PLAGL1: variants seen among roughly 807,000 people sequenced by gnomAD.
PLAGL1 encodes PLAG1 like zinc finger 1.
PLAGL1 carries 1 observed loss-of-function variant against 4.6 expected under a neutral mutation model. The observed-to-expected ratio is 0.22, with a 90% CI of 0.08 to 1.03. PLAGL1 has a LOEUF of 1.03. Ranked by LOEUF, PLAGL1 falls within the 50% of genes least tolerant of loss-of-function variation. The pLI is 0.58. For missense variants in PLAGL1, 464 were observed against 570.4 expected, an observed-to-expected ratio of 0.81 and a Z score of 1.90; for synonymous variants, 240 against 237.8, an observed-to-expected ratio of 1.01 and a Z score of -0.08.
chr6:143,977,633 G>C (rs562118077), intron 2 of PLAGL1, among the ~76,000 whole-genome samples: 16 of 151,512 alleles, frequency 1.1e-4, no homozygotes, highest in African/African-American at 3.6e-4. Flanking sequence ...CTGTATACCT[G>C]AGATTACAGG....
At chr6:144,011,469 C>A (rs139997525), upstream of PLAGL1, among the ~76,000 whole-genome samples, 31 of 152,232 alleles carry the variant, frequency 2.0e-4, no homozygotes, top group East Asian at 6.0e-3. The surrounding 1 kb of genome is among the most constrained non-coding windows in gnomAD (Gnocchi z 4.3). Context: ...CTGAAGAATT[C>A]TTTAACATTA....
At chr6:144,020,889 T>C (rs1795933728) in intron 1 of PLAGL1, among the ~76,000 whole-genome samples, 1 of 146,840 alleles carries the variant, frequency 6.8e-6, no homozygotes, top group South Asian at 2.1e-4. Context: ...ATAATTTATA[T>C]AATTTATAAT....
At chr6:144,030,346 A>T (rs892203016) in intron 1 of PLAGL1, among the ~76,000 whole-genome samples, 2 of 150,596 alleles carry the variant, frequency 1.3e-5, no homozygotes, top group African/African-American at 2.4e-5. Context: ...ACAGCTTTTT[A>T]AAATTTTTTT....
chr6:143,989,717 C>T lies in PLAGL1; in HGVS notation c.-583-4543G>A, dbSNP rs560387436. ...CTCTTTCTCTCTCCATATATGTATC[C>T]ATGGGTAAACATACATACACTCTAA... On this transcript the variant is annotated intron_variant, in intron 1 of 7. Coordinates refer to ENST00000674357, the MANE Select transcript of PLAGL1 (RefSeq NM_001317162.2). The surrounding 1 kb of genome is among the most constrained non-coding windows in gnomAD (Gnocchi z 4.8). Among the ~76,000 whole-genome samples the T allele has an allele frequency of 9.4e-4, 143 of 152,222 alleles. No individual in the cohort carries two copies. The highest frequency in any genetic ancestry group is 1.8e-3 in the Non-Finnish European group (120 of 68,014).
rs552351803 is a variant in PLAGL1 at position 143,987,202 on chromosome 6, TTTTA to T, written c.-583-2032_-583-2029del. Among the ~76,000 whole-genome samples, 23 of 152,078 alleles carry T rather than the reference TTTTA, an allele frequency of 1.5e-4. No individual in the cohort carries two copies. In the South Asian group the frequency reaches 2.3e-3, roughly 15 times the overall value. ...ATAATCTCCCCCAGTTACTCAAGGC[TTTTA>T]TTTATTTATTTATTTATTTAGAGAC... is the stretch of plus-strand genomic sequence containing the variant. On this transcript the variant is annotated intron_variant, in intron 1 of 7. Coordinates refer to ENST00000674357, the MANE Select transcript of PLAGL1 (RefSeq NM_001317162.2).
Position 143,959,032 on chromosome 6 carries a change from CAT to C in PLAGL1, c.-325+1435_-325+1436del, listed in dbSNP as rs1438926516. 2.0e-5 allele frequency among the ~76,000 whole-genome samples: 3 copies of C among 152,250 alleles called. No homozygotes were observed. Among genetic ancestry groups the C allele is most frequent in the African/African-American group, 7.2e-5 (3 of 41,478 alleles). ...TCTGAGTAGCTGTCCTTGCAATCCA[CAT>C]GTGTGGTCCATCCCCCAGCTCATCC... On this transcript the variant is annotated intron_variant, in intron 6 of 7. Coordinates refer to ENST00000674357, the MANE Select transcript of PLAGL1 (RefSeq NM_001317162.2). This position sits in a 1 kb window ranked among gnomAD's most constrained non-coding sequence, Gnocchi z 5.3.
At position 143,970,777 on chromosome 6, in the gene PLAGL1, G is replaced by A. The variant is rs1785270685; in HGVS notation, c.-543-1799C>T. Among the ~76,000 whole-genome samples, 1 of 152,134 alleles carries A rather than the reference G, an allele frequency of 6.6e-6. No homozygotes were observed. On this transcript the variant is annotated intron_variant, in intron 2 of 7. Transcript: ENST00000674357. This position sits in a 1 kb window ranked among gnomAD's most constrained non-coding sequence, Gnocchi z 5.8. ...ATTCTTCTTCTTGGATATTACAGCA[G>A]TCTTCAGTCTGAAGAAAAAGGCTCT... is the stretch of plus-strand genomic sequence containing the variant.
Position 143,972,196 on chromosome 6 carries a change from AT to A in PLAGL1, c.-543-3219del, listed in dbSNP as rs1290850799. On this transcript the variant is annotated intron_variant, in intron 2 of 7. Coordinates refer to ENST00000674357, the MANE Select transcript of PLAGL1 (RefSeq NM_001317162.2). The surrounding 1 kb of genome is among the most constrained non-coding windows in gnomAD (Gnocchi z 6.8). ...ATCAATCCCCATTCATTCAGCTCGC[AT>A]TTACCGAGCCAAGAGCTCTGCTAGG... is the stretch of plus-strand genomic sequence containing the variant. Among the ~76,000 whole-genome samples, 1 of 152,382 alleles carries A rather than the reference AT, an allele frequency of 6.6e-6. No homozygotes were observed. The highest frequency in any genetic ancestry group is 1.9e-4 in the East Asian group (1 of 5,190).
chr6:144,062,602 A>G (rs946338070), intron 1 of PLAGL1, among the ~76,000 whole-genome samples: 1 of 151,724 alleles, frequency 6.6e-6, no homozygotes, highest in Non-Finnish European at 1.5e-5. Flanking sequence ...TTTCCCCCCA[A>G]ACCTAGGGAG....
chr6:143,974,439 A>G (rs1345951142), intron 2 of PLAGL1, among the ~76,000 whole-genome samples: 6 of 152,034 alleles, frequency 3.9e-5, no homozygotes, highest in African/African-American at 1.4e-4. Flanking sequence ...CTATTCACCA[A>G]TTACTCACCT....
rs929528741 is a variant in PLAGL1 at position 143,979,565 on chromosome 6, T to C, written c.-544+5570A>G. Among the ~76,000 whole-genome samples the C allele has an allele frequency of 2.6e-5, 4 of 152,134 alleles. No individual in the cohort carries two copies. Among genetic ancestry groups the C allele is most frequent in the African/African-American group, 9.7e-5 (4 of 41,442 alleles). ...CTTACCATGGTGTACTTCCAAGGGA[T>C]ATACCAGTTCATGTAGAGTATAAAA... On this transcript the variant is annotated intron_variant, in intron 2 of 7. Coordinates refer to ENST00000674357, the MANE Select transcript of PLAGL1 (RefSeq NM_001317162.2). The surrounding 1 kb of genome is among the most constrained non-coding windows in gnomAD (Gnocchi z 4.6).
rs1337863768 is a variant in PLAGL1, at chr6:144,045,339, G to A, written c.-151+19129C>T. ...GCTGGTACTGGTTGTTCCTTTCCACGTTTAGTGCTTCCTTCAGGAGCTCTT... is the reference window on the plus strand; with the variant it reads ...GCTGGTACTGGTTGTTCCTTTCCACATTTAGTGCTTCCTTCAGGAGCTCTT... On this transcript the variant is annotated intron_variant, in intron 1 of 3. Coordinates refer to the PLAGL1 transcript ENST00000437412. 1.2e-4 allele frequency among the ~76,000 whole-genome samples: 18 copies of A among 152,224 alleles called. No homozygotes were observed. The East Asian group carries it at 2.9e-3, about 24-fold the overall frequency.
At chr6:143,951,448 A>G (rs1294210310) in intron 6 of PLAGL1, among the ~76,000 whole-genome samples, 2 of 152,280 alleles carry the variant, frequency 1.3e-5, no homozygotes, top group Non-Finnish European at 2.9e-5. Flanking sequence ...GGTGGCAAGT[A>G]AAACGCCTGC....
Position 143,962,010 on chromosome 6 carries a change from G to GGCT in PLAGL1, c.-398-1471_-398-1469dup, listed in dbSNP as rs1783485367. 2.6e-5 allele frequency among the ~76,000 whole-genome samples: 4 copies of GGCT among 152,192 alleles called. No individual in the cohort carries two copies. In the South Asian group the frequency reaches 8.3e-4, roughly 32 times the overall value. On this transcript the variant is annotated intron_variant, in intron 5 of 7. Coordinates refer to ENST00000674357, the MANE Select transcript of PLAGL1 (RefSeq NM_001317162.2). This position sits in a 1 kb window ranked among gnomAD's most constrained non-coding sequence, Gnocchi z 5.3. Reference sequence around the variant, plus strand: ...TCAACAATACTCCTTGGCCTCCAAGGGCTCACACAGGAGCTTATTCTTAAG... The same window carrying GGCT: ...TCAACAATACTCCTTGGCCTCCAAGGGCTGCTCACACAGGAGCTTATTCTTAAG...
chr6:144,012,962 A>C (rs1310996018), upstream of PLAGL1, among the ~76,000 whole-genome samples: 6 of 152,250 alleles, frequency 3.9e-5, no homozygotes, highest in Non-Finnish European at 7.3e-5. The surrounding 1 kb of genome is among the most constrained non-coding windows in gnomAD (Gnocchi z 4.8). Context: ...TTTCAAGGGA[A>C]GTATGCTATC....
At chr6:144,001,082 CA>C (rs1792753485) in intron 1 of PLAGL1, among the ~76,000 whole-genome samples, 1 of 151,640 alleles carries the variant, frequency 6.6e-6, no homozygotes, top group African/African-American at 2.4e-5. Flanking sequence ...GGAATCAAGA[CA>C]TTTTGGAGAA....
At position 143,981,896 on chromosome 6, in the gene PLAGL1, C is replaced by T. The variant is rs143557731; in HGVS notation, c.-544+3239G>A. ...CTACTATAGCATCCCTTTCCCCAAT[C>T]CCACTTTCCTATCTTTGTGGGATAT... On this transcript the variant is annotated intron_variant, in intron 2 of 7. Transcript: ENST00000674357. 6.0e-3 allele frequency among the ~76,000 whole-genome samples: 907 copies of T among 152,310 alleles called. 8 individuals are homozygous for T. Among genetic ancestry groups the T allele is most frequent in the Middle Eastern group, 0.014 (4 of 294 alleles).
rs1162847262 is a variant in PLAGL1 at position 144,027,277 on chromosome 6, AAGAAAGAAAG to A, written c.-151+37181_-151+37190del. On this transcript the variant is annotated intron_variant, in intron 1 of 3. Coordinates refer to the PLAGL1 transcript ENST00000437412. The surrounding 1 kb of genome is among the most constrained non-coding windows in gnomAD (Gnocchi z 5.8). ...AAAGAAAGAAAGAAAGAAAGAAAGA[AAGAAAGAAAG>A]AAAGAAAGTTATTTGATCTGAAGTA... Among the ~76,000 whole-genome samples, 1 of 146,682 alleles carries A rather than the reference AAGAAAGAAAG, an allele frequency of 6.8e-6. No individual in the cohort carries two copies. Among genetic ancestry groups the A allele is most frequent in the Non-Finnish European group, 1.5e-5 (1 of 66,060 alleles).
rs147960317 is a variant in PLAGL1 at position 144,016,123 on chromosome 6, T to C, written c.-150-47145A>G. Among the ~76,000 whole-genome samples, 251 of 152,112 alleles carry C rather than the reference T, an allele frequency of 1.7e-3. 1 individual carries two copies. Among genetic ancestry groups the C allele is most frequent in the African/African-American group, 5.4e-3 (226 of 41,472 alleles). ...ATATACATATGTGTATATATATATA[T>C]ACACACACATATACATATGAGTTTA... On this transcript the variant is annotated intron_variant, in intron 1 of 3. Transcript: ENST00000437412. The surrounding 1 kb of genome is among the most constrained non-coding windows in gnomAD (Gnocchi z 4.2).
Sources: gnomAD v4.1 joint callset for allele counts (sites outside exome capture counted in the v4.1 genomes callset) on GRCh38, gnomAD v4.1.1 for gene constraint, Gnocchi (gnomAD v3.1) non-coding constraint, MANE v1.5 for transcripts, NCBI Gene and HGNC (gene_info 2026-07-23, HGNC 2026-07-21) for gene names.